The following PRKN variants were observed in gnomAD, a reference collection of about 807,000 sequenced individuals.
PRKN encodes the protein E3 ubiquitin-protein ligase parkin.
A neutral mutation model predicts 59.5 loss-of-function variants in PRKN; 56 were observed. The observed-to-expected ratio is 0.94, with a 90% confidence interval of 0.76 to 1.18. The LOEUF (loss-of-function observed/expected upper bound fraction) is 1.18. PRKN is among the 50% of genes most tolerant of loss of function. PRKN has a pLI of 0.00. For missense variants in PRKN, 657 were observed against 596.4 expected, an observed-to-expected ratio of 1.10 and a Z score of -1.06; for synonymous variants, 250 against 222.1, an observed-to-expected ratio of 1.13 and a Z score of -1.12.
intron 6 of PRKN, among the ~76,000 whole-genome samples, chr6:161,811,733 G>A (rs1270209095): frequency 6.6e-6 from 1 of 151,998 alleles, no homozygotes; most frequent in Non-Finnish European, 1.5e-5. Flanking sequence ...GACCAGCCTG[G>A]CCAACATAGT....
At chr6:162,450,632 C>T (rs1790581527) in intron 1 of PRKN, among the ~76,000 whole-genome samples, 1 of 152,140 alleles carries the variant, frequency 6.6e-6, no homozygotes, top group African/African-American at 2.4e-5. Context: ...TAAGCCCAGT[C>T]TAATCTTCAC....
At chr6:162,157,873 T>C (rs1310145599) in intron 4 of PRKN, among the ~76,000 whole-genome samples, 1 of 152,004 alleles carries the variant, frequency 6.6e-6, no homozygotes, top group Non-Finnish European at 1.5e-5. Flanking sequence ...CTGTATTTTA[T>C]CAACAGCTTG....
chr6:162,113,703 A>G (rs1780542686), intron 4 of PRKN, among the ~76,000 whole-genome samples: 2 of 152,306 alleles, frequency 1.3e-5, no homozygotes, highest in African/African-American at 4.8e-5. Flanking sequence ...ACAGCGTAGT[A>G]GTTATTAAAA....
chr6:161,751,224 C>A (rs146771872), intron 7 of PRKN, among the ~76,000 whole-genome samples: 1 of 152,302 alleles, frequency 6.6e-6, no homozygotes, highest in Non-Finnish European at 1.5e-5. Context: ...TCTTGGTCAA[C>A]ATCTACAAGG....
At position 161,377,865 on chromosome 6, in the gene PRKN, C is replaced by A. The variant is rs1353056657; in HGVS notation, c.1167+8929G>T. On this transcript the variant is annotated intron_variant, in intron 10 of 11. Transcript: ENST00000366898. This position sits in a 1 kb window ranked among gnomAD's most constrained non-coding sequence, Gnocchi z 4.2. ...AGTGGTCCCTCATGAGACCCCAAAT[C>A]TGCTAGTGCATTCATCTTTGACTTC... is the stretch of plus-strand genomic sequence containing the variant. Among the ~76,000 whole-genome samples the A allele has an allele frequency of 6.6e-6, 1 of 152,174 alleles. No homozygotes were observed. The highest frequency in any genetic ancestry group is 1.5e-5 in the Non-Finnish European group (1 of 68,030).
chr6:162,438,971 T>C (rs1184358116), intron 2 of PRKN, among the ~76,000 whole-genome samples: 2 of 152,326 alleles, frequency 1.3e-5, no homozygotes, highest in East Asian at 3.9e-4. Context: ...ATTCCTTTTT[T>C]CTTTTTCCAG....
chr6:161,882,709 G>T (rs191659259), intron 6 of PRKN, among the ~76,000 whole-genome samples: 270 of 152,256 alleles, frequency 1.8e-3, no homozygotes, highest in Middle Eastern at 0.017. Flanking sequence ...GTTGAATTAA[G>T]ATACAACTCC....
intron 1 of PRKN, among the ~76,000 whole-genome samples, chr6:162,700,777 C>T: frequency 6.6e-6 from 1 of 151,898 alleles, no homozygotes; most frequent in East Asian, 1.9e-4. Flanking sequence ...TCTTTTACTC[C>T]TATTTTCTAT....
chr6:161,539,964 T>C (rs946150817), intron 9 of PRKN, among the ~76,000 whole-genome samples: 2 of 152,210 alleles, frequency 1.3e-5, no homozygotes, highest in Non-Finnish European at 2.9e-5. Context: ...TATAATACTA[T>C]GGAAAAGTGG....
chr6:162,356,501 T>C (rs1002753065), intron 2 of PRKN, among the ~76,000 whole-genome samples: 3 of 151,968 alleles, frequency 2.0e-5, no homozygotes, highest in Non-Finnish European at 4.4e-5. Flanking sequence ...CATAGTAGAC[T>C]ACAATATTTA....
At chr6:161,988,634 A>G (rs963476260) in intron 5 of PRKN, among the ~76,000 whole-genome samples, 2 of 152,124 alleles carry the variant, frequency 1.3e-5, no homozygotes, top group African/African-American at 2.4e-5. Flanking sequence ...GCTAAAAAAG[A>G]AGAGTAAAAA....
Position 161,353,928 on chromosome 6 carries a change from C to A in PRKN, c.1286-3717G>T, listed in dbSNP as rs1784655845. On this transcript the variant is annotated intron_variant, in intron 11 of 11. Transcript: ENST00000366898. This position sits in a 1 kb window ranked among gnomAD's most constrained non-coding sequence, Gnocchi z 4.8. Reference sequence around the variant, plus strand: ...TGGTGCGTGGGGAAAAACCCCCGCACATTCCGTCACAGAAGTCTTCTGTGC... The same window carrying A: ...TGGTGCGTGGGGAAAAACCCCCGCAAATTCCGTCACAGAAGTCTTCTGTGC... Among the ~76,000 whole-genome samples the A allele has an allele frequency of 6.6e-6, 1 of 152,210 alleles. No homozygotes were observed. Among genetic ancestry groups the A allele is most frequent in the Non-Finnish European group, 1.5e-5 (1 of 68,046 alleles).
At chr6:162,404,084 C>G (rs894283608) in intron 2 of PRKN, among the ~76,000 whole-genome samples, 6 of 152,002 alleles carry the variant, frequency 3.9e-5, no homozygotes, top group African/African-American at 1.4e-4. Flanking sequence ...AGAAATAATC[C>G]TTTTTGGCCG....
At chr6:162,387,083 A>G (rs1270495797) in intron 2 of PRKN, among the ~76,000 whole-genome samples, 1 of 152,124 alleles carries the variant, frequency 6.6e-6, no homozygotes, top group African/African-American at 2.4e-5. Context: ...TAAGTTACAC[A>G]AAAGTATTAC....
intron 3 of PRKN, among the ~76,000 whole-genome samples, chr6:162,205,880 G>A (rs1784914367): frequency 6.6e-6 from 1 of 152,012 alleles, no homozygotes; most frequent in Non-Finnish European, 1.5e-5. Context: ...GCTGTCTGTG[G>A]GTAGCAGCTA....
chr6:162,624,298 C>A (rs184618113), intron 1 of PRKN: 1 of 151,102 alleles, frequency 6.6e-6, no homozygotes. Context: ...TCTTCTGTTA[C>A]GTGAGGAGAA....
At position 161,750,114 on chromosome 6, in the gene PRKN, TATATAC is replaced by T. The variant is rs1349476696; in HGVS notation, c.871+35652_871+35657del. Reference sequence around the variant, plus strand: ...CACATAGGACATATATATATATATATATATACACACACACACACACACACACACATA... The same window carrying T: ...CACATAGGACATATATATATATATATACACACACACACACACACACACATA... On this transcript the variant is annotated intron_variant, in intron 7 of 11. Transcript: ENST00000366898. Among the ~76,000 whole-genome samples, 55 of 137,480 alleles carry T rather than the reference TATATAC, an allele frequency of 4.0e-4. 1 individual carries two copies. In the East Asian group the frequency reaches 0.013, roughly 32 times the overall value. 90.2% of individuals were successfully genotyped at this position (137,480 alleles called of 152,430 possible). A position where few individuals can be genotyped will look rare whatever the true frequency, so the allele number is the denominator to read the frequency against.
chr6:162,724,589 A>G (rs1444028688), intron 1 of PRKN, among the ~76,000 whole-genome samples: 2 of 152,212 alleles, frequency 1.3e-5, no homozygotes, highest in Admixed American at 1.3e-4. Flanking sequence ...TTAAAGAACA[A>G]TAAAATTAAA....
chr6:162,343,070 C>A (rs1477894031), intron 2 of PRKN, among the ~76,000 whole-genome samples: 1 of 151,962 alleles, frequency 6.6e-6, no homozygotes, highest in Non-Finnish European at 1.5e-5. Flanking sequence ...TTTAGAAAAA[C>A]AATAGGAAAA....
Sources: allele counts gnomAD v4.1 joint callset (sites outside exome capture counted in the v4.1 genomes callset), GRCh38; gene constraint gnomAD v4.1.1; non-coding constraint Gnocchi (gnomAD v3.1); transcripts MANE v1.5; gene names NCBI Gene and HGNC (gene_info 2026-07-23, HGNC 2026-07-21).